The following TNFAIP8L3 variants were observed in gnomAD, a reference collection of about 807,000 sequenced individuals.
TNFAIP8L3 encodes the protein tumor necrosis factor alpha-induced protein 8-like protein 3.
Under a neutral mutation model 11.8 loss-of-function variants are expected in TNFAIP8L3, and 7 were observed. The ratio of observed to expected loss-of-function variants is 0.59; its 90% confidence interval spans 0.34 to 1.11. The LOEUF (loss-of-function observed/expected upper bound fraction) is 1.11. TNFAIP8L3 is among the 50% of genes most tolerant of loss of function. The pLI is 0.03. For missense variants in TNFAIP8L3, 219 were observed against 258.6 expected, an observed-to-expected ratio of 0.85 and a Z score of 1.05; for synonymous variants, 98 against 103.8, an observed-to-expected ratio of 0.94 and a Z score of 0.34.
intron 1 of TNFAIP8L3, among the ~76,000 whole-genome samples, chr15:51,067,926 T>C (rs1168851812): frequency 6.6e-6 from 1 of 152,220 alleles, no homozygotes; most frequent in Non-Finnish European, 1.5e-5. Context: ...GGAAAAGTAA[T>C]GATCTAATCA....
chr15:51,094,770 C>A lies in TNFAIP8L3; in HGVS notation c.-175G>T, dbSNP rs1478250629. The A allele has an allele frequency of 1.7e-5, 13 of 769,108 alleles. No individual in the cohort carries two copies. The highest frequency in any genetic ancestry group is 1.8e-5 in the Non-Finnish European group (13 of 703,668). 47.6% of individuals were successfully genotyped at this position (769,108 alleles called of 1,614,324 possible). A position where few individuals can be genotyped will look rare whatever the true frequency, so the allele number is the denominator to read the frequency against. On this transcript the variant is annotated 5_prime_UTR_variant, in exon 1 of 2. Coordinates refer to ENST00000637513, the MANE Select transcript of TNFAIP8L3 (RefSeq NM_001311175.2). The surrounding 1 kb of genome is among the most constrained non-coding windows in gnomAD (Gnocchi z 4.4). ...GGGGGCGGCTCCGCAGAGGCGAGCG[C>A]CGCCGCGCCCCGCTCCCCGCGCCCG...
At chr15:51,096,835 G>C (rs1021774205), upstream of TNFAIP8L3, among the ~76,000 whole-genome samples, 2 of 147,246 alleles carry the variant, frequency 1.4e-5, no homozygotes, top group Non-Finnish European at 3.0e-5. Flanking sequence ...AAGTTGCAGT[G>C]AGCCGAGATC....
At chr15:51,089,245 A>G (rs1007727855) in intron 1 of TNFAIP8L3, among the ~76,000 whole-genome samples, 1 of 151,854 alleles carries the variant, frequency 6.6e-6, no homozygotes, top group African/African-American at 2.4e-5. Flanking sequence ...CCATCCGCCC[A>G]CCCACCCACC....
upstream of TNFAIP8L3, among the ~76,000 whole-genome samples, chr15:51,096,362 G>T (rs899153919): frequency 2.0e-5 from 3 of 152,170 alleles, no homozygotes; most frequent in African/African-American, 4.8e-5. Flanking sequence ...GGTCAAAAGA[G>T]CCCCACAGTG....
chr15:51,064,653 C>T (rs181888546), intron 1 of TNFAIP8L3: 37 of 152,278 alleles, frequency 2.4e-4, no homozygotes, highest in African/African-American at 8.4e-4. Flanking sequence ...AACATGCATA[C>T]ATAATGTTAC....
intron 1 of TNFAIP8L3, among the ~76,000 whole-genome samples, chr15:51,085,240 T>C (rs1595616205): frequency 6.6e-6 from 1 of 152,344 alleles, no homozygotes; most frequent in South Asian, 2.1e-4. Flanking sequence ...GGAGAACTAG[T>C]GGCCAATAAA....
chr15:51,105,138 G>C (rs2065581145), exon 1 of TNFAIP8L3: 1 of 1,613,992 alleles, frequency 6.2e-7, no homozygotes, highest in African/African-American at 1.3e-5. Flanking sequence ...CACAGAGTGT[G>C]GAAACCAGTG....
chr15:51,079,920 C>T (rs2065380194), intron 1 of TNFAIP8L3, among the ~76,000 whole-genome samples: 1 of 150,576 alleles, frequency 6.6e-6, no homozygotes, highest in Non-Finnish European at 1.5e-5. Context: ...ACAAGGGAGG[C>T]TTATAACATG....
intron 1 of TNFAIP8L3, among the ~76,000 whole-genome samples, chr15:51,073,548 C>T (rs1457701207): frequency 6.6e-6 from 1 of 152,172 alleles, no homozygotes; most frequent in Non-Finnish European, 1.5e-5. Context: ...TACTTATCTC[C>T]AATTGAGACA....
upstream of TNFAIP8L3, among the ~76,000 whole-genome samples, chr15:51,095,035 C>A (rs867658336): frequency 1.3e-5 from 2 of 152,140 alleles, no homozygotes. Context: ...AGGCCGAGCC[C>A]CTTCCCTAGG....
chr15:51,100,968 G>A (rs2065546528), intron 1 of TNFAIP8L3, among the ~76,000 whole-genome samples: 1 of 152,200 alleles, frequency 6.6e-6, no homozygotes, highest in Non-Finnish European at 1.5e-5. Context: ...CATTTGCCGG[G>A]CCCCTGTACT....
At chr15:51,059,972 T>C (rs1173423246) in intron 1 of TNFAIP8L3, among the ~76,000 whole-genome samples, 1 of 152,216 alleles carries the variant, frequency 6.6e-6, no homozygotes, top group Non-Finnish European at 1.5e-5. Flanking sequence ...TCTGAGACCA[T>C]AGAATCTTTA....
rs1227689462 is a variant in TNFAIP8L3 at position 51,065,005 on chromosome 15, T to G, written c.53-6562A>C. 2.0e-5 allele frequency among the ~76,000 whole-genome samples: 3 copies of G among 152,364 alleles called. No individual in the cohort carries two copies. The East Asian group carries it at 5.8e-4, about 29-fold the overall frequency. On this transcript the variant is annotated intron_variant, in intron 1 of 1. Coordinates refer to ENST00000637513, the MANE Select transcript of TNFAIP8L3 (RefSeq NM_001311175.2). ...CTAGGAAAGCTCTTTTGGCCAGAGA[T>G]AATTCTTTTAACCATGTTTGAACAA...
upstream of TNFAIP8L3, among the ~76,000 whole-genome samples, chr15:51,099,862 G>C (rs1157346128): frequency 6.6e-6 from 1 of 152,222 alleles, no homozygotes; most frequent in Non-Finnish European, 1.5e-5. Context: ...TTTTCAGGAT[G>C]ATAGGAAAGT....
chr15:51,099,831 C>G (rs776185846), upstream of TNFAIP8L3, among the ~76,000 whole-genome samples: 1 of 152,148 alleles, frequency 6.6e-6, no homozygotes, highest in African/African-American at 2.4e-5. Flanking sequence ...GAGGTTTCAG[C>G]GGCAACTAGA....
chr15:51,087,226 C>T (rs2065435638), intron 1 of TNFAIP8L3, among the ~76,000 whole-genome samples: 2 of 152,198 alleles, frequency 1.3e-5, no homozygotes, highest in Non-Finnish European at 1.5e-5. Context: ...AGCCTTCCCA[C>T]CCTCACTTTC....
rs112787877 is a variant in TNFAIP8L3 at position 51,070,659 on chromosome 15, G to A, written c.53-12216C>T. On this transcript the variant is annotated intron_variant, in intron 1 of 1. Coordinates refer to ENST00000637513, the MANE Select transcript of TNFAIP8L3 (RefSeq NM_001311175.2). ...GCTTCAGCCTGCCACACTGAGCTGCGATGCATGGGGTGACAAACATCAATT... is the reference window on the plus strand; with the variant it reads ...GCTTCAGCCTGCCACACTGAGCTGCAATGCATGGGGTGACAAACATCAATT... Among the ~76,000 whole-genome samples, 315 of 152,282 alleles carry A rather than the reference G, an allele frequency of 2.1e-3. 1 individual carries two copies. Among genetic ancestry groups the A allele is most frequent in the South Asian group, 5.6e-3 (27 of 4,828 alleles).
At chr15:51,077,224 G>A (rs1419436049) in intron 1 of TNFAIP8L3, among the ~76,000 whole-genome samples, 3 of 152,192 alleles carry the variant, frequency 2.0e-5, no homozygotes, top group African/African-American at 7.2e-5. Context: ...GTCAGCAGGC[G>A]TCATGCTGGC....
intron 1 of TNFAIP8L3, among the ~76,000 whole-genome samples, chr15:51,076,016 A>T (rs2065346558): frequency 6.7e-6 from 1 of 149,652 alleles, no homozygotes; most frequent in African/African-American, 2.5e-5. Flanking sequence ...GTTCTACTTG[A>T]TTTTTTTTTT....
Sources: gnomAD v4.1 joint callset for allele counts (sites outside exome capture counted in the v4.1 genomes callset) on GRCh38, gnomAD v4.1.1 for gene constraint, Gnocchi (gnomAD v3.1) non-coding constraint, MANE v1.5 for transcripts, NCBI Gene and HGNC (gene_info 2026-07-23, HGNC 2026-07-21) for gene names.